The following LPP variants were observed in gnomAD, a reference collection of about 807,000 sequenced individuals.
LPP encodes the protein lipoma-preferred partner.
A neutral mutation model predicts 60.4 loss-of-function variants in LPP; 38 were observed. The ratio of observed to expected loss-of-function variants is 0.63; its 90% CI spans 0.49 to 0.83. The LOEUF is 0.83. LPP is among the 40% of genes least tolerant of loss of function. The probability of loss-of-function intolerance (pLI) is 0.00; values close to 1 mark genes in which losing one functional copy is unlikely to be tolerated. For missense variants in LPP, 902 were observed against 783.6 expected, an observed-to-expected ratio of 1.15 and a Z score of -1.80; for synonymous variants, 328 against 290.8, an observed-to-expected ratio of 1.13 and a Z score of -1.30.
chr3:188,657,281 T>TATATATATATATATATA (rs10529848), intron 7 of LPP, among the ~76,000 whole-genome samples: 108 of 143,398 alleles, frequency 7.5e-4, no homozygotes, highest in Admixed American at 9.1e-4. Context: ...TATATATATA[T>TATATATATATATATATA]TTCCAAAAGC....
intron 9 of LPP, among the ~76,000 whole-genome samples, chr3:188,803,489 T>A (rs1469766606): frequency 6.6e-6 from 1 of 152,232 alleles, no homozygotes; most frequent in African/African-American, 2.4e-5. Context: ...AATTTTTATA[T>A]AAGGTGATCA....
intron 3 of LPP, among the ~76,000 whole-genome samples, chr3:188,364,329 C>G (rs1409700337): frequency 6.6e-6 from 1 of 152,186 alleles, no homozygotes; most frequent in African/African-American, 2.4e-5. Context: ...GTCTTACTGT[C>G]TTTAATAGAG....
intron 4 of LPP, among the ~76,000 whole-genome samples, chr3:188,473,338 T>C (rs1419111149): frequency 6.6e-6 from 1 of 152,208 alleles, no homozygotes; most frequent in Non-Finnish European, 1.5e-5. Flanking sequence ...TAGTGATGTC[T>C]CTTTTCTGGT....
intron 4 of LPP, among the ~76,000 whole-genome samples, chr3:188,463,671 G>T (rs1243309492): frequency 6.6e-6 from 1 of 152,024 alleles, no homozygotes; most frequent in Admixed American, 6.6e-5. Context: ...TTCTTCTCTG[G>T]CAGAGACCAT....
chr3:188,228,904 T>C (rs972098978), intron 2 of LPP, among the ~76,000 whole-genome samples: 1 of 152,254 alleles, frequency 6.6e-6, no homozygotes, highest in African/African-American at 2.4e-5. Flanking sequence ...GGTTCCTGTA[T>C]GATACATTAT....
intron 2 of LPP, among the ~76,000 whole-genome samples, chr3:188,339,223 G>A (rs1319281093): frequency 2.0e-5 from 3 of 152,152 alleles, no homozygotes; most frequent in Non-Finnish European, 2.9e-5. Context: ...AAAGGCTAGA[G>A]TGGGATTTGT....
chr3:188,806,051 A>C (rs1341800796), intron 9 of LPP, among the ~76,000 whole-genome samples: 1 of 151,834 alleles, frequency 6.6e-6, no homozygotes. Flanking sequence ...GTATTCTGCT[A>C]TTATTAGGTG....
chr3:188,826,093 G>C (rs1386531079), intron 9 of LPP, among the ~76,000 whole-genome samples: 1 of 152,106 alleles, frequency 6.6e-6, no homozygotes, highest in Admixed American at 6.6e-5. Flanking sequence ...CGGATAGCCT[G>C]TTACTTATTT....
intron 5 of LPP, among the ~76,000 whole-genome samples, chr3:188,521,639 T>A (rs1818903830): frequency 1.3e-5 from 2 of 152,240 alleles, no homozygotes. Context: ...CTATAATTAA[T>A]GCTATTTAGG....
chr3:188,780,176 G>C (rs754197815), intron 9 of LPP, among the ~76,000 whole-genome samples: 12 of 152,124 alleles, frequency 7.9e-5, no homozygotes, highest in Non-Finnish European at 1.3e-4. Context: ...ACGAGGTACA[G>C]AAATCAGAAC....
At chr3:188,470,293 C>T (rs1363072744) in intron 4 of LPP, among the ~76,000 whole-genome samples, 4 of 94,068 alleles carry the variant, frequency 4.3e-5, no homozygotes, top group Non-Finnish European at 1.1e-4. Context: ...CACACACACA[C>T]ACACACACAC....
chr3:188,321,889 C>T (rs1757061139), intron 2 of LPP, among the ~76,000 whole-genome samples: 3 of 152,192 alleles, frequency 2.0e-5, no homozygotes, highest in Non-Finnish European at 4.4e-5. Flanking sequence ...CTTTATAAGG[C>T]ATCCCATTTT....
intron 9 of LPP, among the ~76,000 whole-genome samples, chr3:188,862,570 G>A (rs373659294): frequency 1.1e-4 from 17 of 151,984 alleles, no homozygotes; most frequent in East Asian, 5.8e-4. Flanking sequence ...TGTGGCAGCT[G>A]GGAGGAGGAG....
intron 2 of LPP, among the ~76,000 whole-genome samples, chr3:188,285,978 CT>C (rs1743789380): frequency 6.6e-6 from 1 of 152,146 alleles, no homozygotes; most frequent in African/African-American, 2.4e-5. Context: ...CACATTTTGT[CT>C]TTTTTCTCCC....
At chr3:188,805,580 T>C (rs1477286903) in intron 9 of LPP, among the ~76,000 whole-genome samples, 27 of 151,878 alleles carry the variant, frequency 1.8e-4, no homozygotes. Flanking sequence ...CTCTATTGGT[T>C]TTCTGCTCTC....
At chr3:188,380,750 C>T (rs1036279245) in intron 3 of LPP, among the ~76,000 whole-genome samples, 3 of 152,140 alleles carry the variant, frequency 2.0e-5, no homozygotes, top group African/African-American at 7.2e-5. Context: ...ATTTTTCTCC[C>T]CCATAAAATT....
chr3:188,433,953 C>T (rs1791664287), intron 4 of LPP, among the ~76,000 whole-genome samples: 1 of 152,102 alleles, frequency 6.6e-6, no homozygotes, highest in Admixed American at 6.6e-5. Flanking sequence ...TGATAGTCCA[C>T]ATCGTGAGAG....
At chr3:188,535,635 G>A (rs368232944) in intron 6 of LPP, among the ~76,000 whole-genome samples, 2 of 152,030 alleles carry the variant, frequency 1.3e-5, no homozygotes, top group African/African-American at 2.4e-5. Flanking sequence ...TTTTATAAGA[G>A]CAACCTAATG....
chr3:188,670,753 C>T (rs1411917536), intron 7 of LPP, among the ~76,000 whole-genome samples: 1 of 152,188 alleles, frequency 6.6e-6, no homozygotes, highest in Non-Finnish European at 1.5e-5. Context: ...TGGATACAAC[C>T]TCCTTTGCCT....
Sources: gnomAD v4.1 joint callset for allele counts (sites outside exome capture counted in the v4.1 genomes callset) on GRCh38, gnomAD v4.1.1 for gene constraint, MANE v1.5 for transcripts, NCBI Gene and HGNC (gene_info 2026-07-23, HGNC 2026-07-21) for gene names.